Variants in RANBP17 observed in about 807,000 individuals in gnomAD.
RANBP17 encodes the protein ran-binding protein 17.
In RANBP17, 158 loss-of-function variants were observed where a neutral mutation model predicts 141.2. The observed-to-expected ratio is 1.12, with a 90% confidence interval of 0.98 to 1.28. RANBP17 has a LOEUF of 1.28. RANBP17 is among the 50% of genes most tolerant of loss of function. The pLI is 0.00. For synonymous variants in RANBP17, 430 were observed against 450.0 expected, an observed-to-expected ratio of 0.96 and a Z score of 0.56; for missense variants, 1,438 against 1,290.7, an observed-to-expected ratio of 1.11 and a Z score of -1.75.
intron 14 of RANBP17, among the ~76,000 whole-genome samples, chr5:171,075,402 T>C (rs1784857669): frequency 6.6e-6 from 1 of 152,190 alleles, no homozygotes; most frequent in African/African-American, 2.4e-5. Context: ...TGCTACAACA[T>C]GGGTGAAACT....
chr5:171,285,072 G>A (rs1581183255), intron 25 of RANBP17, among the ~76,000 whole-genome samples: 1 of 152,342 alleles, frequency 6.6e-6, no homozygotes, highest in East Asian at 1.9e-4. Flanking sequence ...AACCTCCTGT[G>A]CATGGGCTGT....
chr5:171,232,719 G>A (rs534432783), intron 22 of RANBP17, among the ~76,000 whole-genome samples: 35 of 152,178 alleles, frequency 2.3e-4, no homozygotes, highest in Admixed American at 1.2e-3. Flanking sequence ...TTTCCCAAAA[G>A]TGATATCATA....
At chr5:171,011,294 A>G (rs749827202) in intron 14 of RANBP17, among the ~76,000 whole-genome samples, 2 of 152,090 alleles carry the variant, frequency 1.3e-5, no homozygotes, top group Admixed American at 6.6e-5. Flanking sequence ...TATTGATGTT[A>G]TTATCCAATT....
intron 16 of RANBP17, among the ~76,000 whole-genome samples, chr5:171,175,521 T>G (rs886073152): frequency 1.3e-5 from 2 of 152,164 alleles, no homozygotes; most frequent in Non-Finnish European, 2.9e-5. Context: ...GGAGAAAATT[T>G]TTTTAATCTC....
intron 14 of RANBP17, among the ~76,000 whole-genome samples, chr5:171,021,254 G>T (rs1338334264): frequency 1.3e-5 from 2 of 152,094 alleles, no homozygotes; most frequent in African/African-American, 2.4e-5. Context: ...GTGTCTTGGG[G>T]CTGCTCTTCT....
At chr5:170,903,522 G>C in intron 5 of RANBP17, 1 of 207,172 alleles carries the variant, frequency 4.8e-6, no homozygotes, top group Non-Finnish European at 1.1e-5. Flanking sequence ...CGTTCCAGGT[G>C]CCACTCGGCA....
intron 25 of RANBP17, among the ~76,000 whole-genome samples, chr5:171,283,666 C>T (rs1767987091): frequency 6.6e-6 from 1 of 152,196 alleles, no homozygotes; most frequent in Admixed American, 6.5e-5. Context: ...TGGATCCTTT[C>T]GTAGTTCATG....
Position 171,183,248 on chromosome 5 carries a change from AAT to A in RANBP17, c.1929+19_1929+20del. On this transcript the variant is annotated intron_variant, in intron 17 of 27. Coordinates refer to ENST00000523189, the MANE Select transcript of RANBP17 (RefSeq NM_022897.5). The stretch of plus-strand genomic sequence containing the variant: ...ACCACACGGTAAGTCTTATTTCTTT[AAT>A]TAATGAATAACATTTTACGAATAGT... 1 of 1,589,516 alleles carries A rather than the reference AAT, an allele frequency of 6.3e-7. No homozygotes were observed. Among genetic ancestry groups the A allele is most frequent in the Non-Finnish European group, 8.6e-7 (1 of 1,157,658 alleles).
chr5:170,920,574 A>G (rs1267892989), intron 11 of RANBP17, among the ~76,000 whole-genome samples: 2 of 149,584 alleles, frequency 1.3e-5, no homozygotes, highest in African/African-American at 2.5e-5. Flanking sequence ...TCTTTCTGTT[A>G]TGTATTTGCA....
intron 14 of RANBP17, among the ~76,000 whole-genome samples, chr5:170,980,990 C>A (rs1472907806): frequency 1.3e-5 from 2 of 152,198 alleles, no homozygotes; most frequent in Non-Finnish European, 2.9e-5. Flanking sequence ...CATGGGAACC[C>A]ACCTCTTGTA....
intron 14 of RANBP17, among the ~76,000 whole-genome samples, chr5:171,094,686 G>T (rs539941520): frequency 6.6e-6 from 1 of 152,008 alleles, no homozygotes; most frequent in Admixed American, 6.6e-5. Flanking sequence ...CGTTCTCTTC[G>T]TGTAAAGGAA....
chr5:170,972,147 A>G (rs1316117755), intron 14 of RANBP17, among the ~76,000 whole-genome samples: 1 of 151,500 alleles, frequency 6.6e-6, no homozygotes, highest in Non-Finnish European at 1.5e-5. Flanking sequence ...ACTTTATATA[A>G]AAGTATTATG....
chr5:170,955,754 ATAATT>A (rs1363696405), intron 13 of RANBP17, among the ~76,000 whole-genome samples: 1 of 145,480 alleles, frequency 6.9e-6, no homozygotes, highest in African/African-American at 2.5e-5. Flanking sequence ...ATAATTAAAA[ATAATT>A]TAGTTATATC....
At position 170,909,785 on chromosome 5, in the gene RANBP17, A is replaced by G; in HGVS notation, c.594+20A>G. On this transcript the variant is annotated intron_variant, in intron 6 of 27. Transcript: ENST00000523189. ...AAAGAGGTAAGTTATTTGATAATTC[A>G]ACTTCCTAGTTAGAATATTTGGGAA... 1 of 1,160,512 alleles carries G rather than the reference A, an allele frequency of 8.6e-7. No homozygotes were observed. Among genetic ancestry groups the G allele is most frequent in the Non-Finnish European group, 1.3e-6 (1 of 777,698 alleles). 71.9% of individuals were successfully genotyped at this position (1,160,512 alleles called of 1,614,324 possible).
In RANBP17 at chr5:170,916,472, C is replaced by G. The variant is rs775020604; in HGVS notation, c.842C>G (p.Ser281Ter). 3 of 1,551,932 alleles carry G rather than the reference C, an allele frequency of 1.9e-6. No individual in the cohort carries two copies. Among genetic ancestry groups the G allele is most frequent in the Non-Finnish European group, 2.6e-6 (3 of 1,147,838 alleles). Residue 281 changes from serine (S) to a stop codon, truncating the protein, a stop_gained, in exon 9 of 28, where the codon TCA (serine) becomes TGA (stop). Transcript: ENST00000523189. LOFTEE classifies it high-confidence loss of function. ...LPPLLSQLAL[S>*]CLVQFASTRR... ...TTTTTTGGTATTTTTTAGGCACTTT[C>G]ATGTTTAGTTCAGTTTGCTTCGACA... is the stretch of plus-strand genomic sequence containing the variant.
intron 14 of RANBP17, among the ~76,000 whole-genome samples, chr5:171,083,117 G>T (rs1424219167): frequency 1.3e-5 from 2 of 152,048 alleles, no homozygotes; most frequent in East Asian, 3.9e-4. Context: ...AAATATCAAA[G>T]GAATTCCCTA....
rs138596205 is a variant in RANBP17 at position 171,283,403 on chromosome 5, A to G, written c.2944-10480A>G. ...GGTTCTATTCCCAACGCTTTCAGTCACTAGCATTCCTTGGGCTATGTAATT... is the reference window on the plus strand; with the variant it reads ...GGTTCTATTCCCAACGCTTTCAGTCGCTAGCATTCCTTGGGCTATGTAATT... On this transcript the variant is annotated intron_variant, in intron 25 of 27. Coordinates refer to ENST00000523189, the MANE Select transcript of RANBP17 (RefSeq NM_022897.5). 7.6e-3 allele frequency among the ~76,000 whole-genome samples: 1,165 copies of G among 152,326 alleles called. 8 individuals carry two copies. Among genetic ancestry groups the G allele is most frequent in the Non-Finnish European group, 0.014 (942 of 68,036 alleles).
intron 14 of RANBP17, among the ~76,000 whole-genome samples, chr5:171,120,462 C>T (rs750508732): frequency 6.6e-6 from 1 of 152,222 alleles, no homozygotes; most frequent in Non-Finnish European, 1.5e-5. Flanking sequence ...TTGCCTGTCT[C>T]CAAGTTTAGA....
At chr5:171,187,728 T>C (rs903405986) in intron 18 of RANBP17, among the ~76,000 whole-genome samples, 2 of 152,190 alleles carry the variant, frequency 1.3e-5, no homozygotes, top group African/African-American at 4.8e-5. Flanking sequence ...TATTTACAGA[T>C]AGGCAGTACC....
Sources: gnomAD v4.1 joint callset for allele counts (sites outside exome capture counted in the v4.1 genomes callset) on GRCh38, gnomAD v4.1.1 for gene constraint, MANE v1.5 for transcripts, NCBI Gene and HGNC (gene_info 2026-07-23, HGNC 2026-07-21) for gene names.